Variants in ABCG5 observed in about 807,000 individuals in gnomAD.
ABCG5 encodes the protein ATP-binding cassette sub-family G member 5.
A neutral mutation model predicts 64.5 loss-of-function variants in ABCG5; 64 were observed. That is an observed-to-expected ratio of 0.99 (90% CI 0.81 to 1.22). The LOEUF is 1.22. ABCG5 is among the 50% of genes most tolerant of loss of function. The pLI is 0.00. For missense variants in ABCG5, 908 were observed against 829.5 expected (o/e 1.09, Z -1.16); for synonymous variants, 385 against 326.3 (o/e 1.18, Z -1.94).
In ABCG5 at chr2:43,831,835, G is replaced by A. The variant is rs1230263991; in HGVS notation, c.435C>T (p.Arg145=). 6 of 1,587,190 alleles carry A rather than the reference G, an allele frequency of 3.8e-6. No individual in the cohort carries two copies. The highest frequency in any genetic ancestry group is 1.8e-4 in the Middle Eastern group (1 of 5,416). Residue 145 remains arginine (R), a synonymous_variant, in exon 4 of 13, where the codon CGC becomes CGT. Transcript: ENST00000405322. ...SDTLLSSLTV[R]ETLHYTALLA... is the part of the protein sequence containing the mutation. ...GCAGCGCGGTGTAGTGCAGCGTCTCGCGCACGGTGAGGCTGCTCAGCAGGG... is the reference window on the plus strand; with the variant it reads ...GCAGCGCGGTGTAGTGCAGCGTCTCACGCACGGTGAGGCTGCTCAGCAGGG...
At chr2:43,819,582 A>G (rs980470463) in intron 11 of ABCG5, among the ~76,000 whole-genome samples, 1 of 152,070 alleles carries the variant, frequency 6.6e-6, no homozygotes, top group East Asian at 1.9e-4. Flanking sequence ...GAACTAATGC[A>G]TGCAATTTAT....
downstream of ABCG5, among the ~76,000 whole-genome samples, chr2:43,811,644 G>C (rs1666484369): frequency 6.6e-6 from 1 of 151,818 alleles, no homozygotes; most frequent in African/African-American, 2.4e-5. Flanking sequence ...CGCCAGGCTG[G>C]AGTGCAGTGG....
At position 43,838,436 on chromosome 2, in the gene ABCG5, G is replaced by A. The variant is rs745607964; in HGVS notation, c.143+101C>T. The A allele has an allele frequency of 4.2e-6, 5 of 1,195,250 alleles. No homozygotes were observed. The Admixed American group carries it at 1.1e-4, about 26-fold the overall frequency. The allele number at this position is 1,195,250 out of a possible 1,614,324, so 74.0% of individuals were successfully genotyped here. ...CGATCCACTAAAGAGGGAGCCCGAA[G>A]TGCCCAGACTGGCACTTAAAGAGTG... On this transcript the variant is annotated intron_variant, in intron 1 of 12. Coordinates refer to ENST00000405322, the MANE Select transcript of ABCG5 (RefSeq NM_022436.3). This position sits in a 1 kb window ranked among gnomAD's most constrained non-coding sequence, Gnocchi z 4.2.
rs67113914 is a variant in ABCG5, at chr2:43,833,363, ATATTATTATTATTATTATTATTAT to A, written c.266-1304_266-1281del. On this transcript the variant is annotated intron_variant, in intron 2 of 12. Coordinates refer to ENST00000405322, the MANE Select transcript of ABCG5 (RefSeq NM_022436.3). ...AGAGCCAAAGAGATCTTTTGTTGAA[ATATTATTATTATTATTATTATTAT>A]TATTATTATTATTGAGACGAAGTAT... is the stretch of plus-strand genomic sequence containing the variant. 6.5e-3 allele frequency among the ~76,000 whole-genome samples: 942 copies of A among 144,224 alleles called. 13 individuals carry two copies. Among genetic ancestry groups the A allele is most frequent in the African/African-American group, 0.023 (890 of 39,494 alleles). 94.6% of individuals were successfully genotyped at this position (144,224 alleles called of 152,430 possible).
intron 12 of ABCG5, among the ~76,000 whole-genome samples, chr2:43,813,708 CGTT>C (rs1440698959): frequency 3.4e-4 from 12 of 35,368 alleles, no homozygotes; most frequent in African/African-American, 1.1e-3. Flanking sequence ...TTTTTTTTTT[CGTT>C]TTTTTTTTTT....
chr2:43,818,730 C>G (rs1667006076), intron 11 of ABCG5, among the ~76,000 whole-genome samples: 1 of 152,142 alleles, frequency 6.6e-6, no homozygotes, highest in Admixed American at 6.5e-5. Context: ...AAAAAATATC[C>G]TCCTTGATTT....
At chr2:43,817,885 G>A (rs1474056864) in intron 11 of ABCG5, among the ~76,000 whole-genome samples, 1 of 152,104 alleles carries the variant, frequency 6.6e-6, no homozygotes, top group African/African-American at 2.4e-5. Context: ...ATTCCAGCCT[G>A]GGTGACAGAG....
At chr2:43,839,159 T>G, upstream of ABCG5, 1 of 1,545,486 alleles carries the variant, frequency 6.5e-7, no homozygotes, top group Non-Finnish European at 8.8e-7. Flanking sequence ...GGTGGGCGGG[T>G]AGGAGAAATC....
At chr2:43,828,329 A>C in intron 4 of ABCG5, 1 of 676,062 alleles carries the variant, frequency 1.5e-6, no homozygotes, top group Non-Finnish European at 2.5e-6. Context: ...AATAAATAAT[A>C]TGAATTTTTT....
rs775348848 is a variant in ABCG5 at position 43,824,270 on chromosome 2, A to T, written c.1067T>A (p.Phe356Tyr). 5 of 1,614,120 alleles carry T rather than the reference A, an allele frequency of 3.1e-6. No homozygotes were observed. In the East Asian group the frequency reaches 1.1e-4, roughly 36 times the overall value. The change falls in exon 8 of 13, where the codon TTC (phenylalanine) becomes TAC (tyrosine). Residue 356 changes from phenylalanine to tyrosine, a missense_variant. Phe to Tyr is a conservative substitution (Grantham distance 22). Coordinates refer to ENST00000405322, the MANE Select transcript of ABCG5 (RefSeq NM_022436.3). ...KHLKTLPMVP[F>Y]KTKDSPGVFS... The stretch of plus-strand genomic sequence containing the variant: ...AACTCCAGGAGAATCTTTGGTTTTG[A>T]AAGGAACCATTGGTAACGTTTTCAG...
At chr2:43,824,815 G>A in intron 7 of ABCG5, 74 bp downstream of exon 7, 1 of 1,585,604 alleles carries the variant, frequency 6.3e-7, no homozygotes, top group Non-Finnish European at 8.6e-7. Flanking sequence ...CTAGACTGGT[G>A]TCATCCAGGC....
chr2:43,826,353 A>G (rs1455649623), intron 6 of ABCG5, 29 bp downstream of exon 6: 9 of 1,612,508 alleles, frequency 5.6e-6, no homozygotes, highest in African/African-American at 1.3e-5. Context: ...CACACCATAG[A>G]CCCGGCCTTT....
At position 43,838,043 on chromosome 2, in the gene ABCG5, C is replaced by T; in HGVS notation, c.144-88G>A. On this transcript the variant is annotated intron_variant, in intron 1 of 12. Transcript: ENST00000405322. The surrounding 1 kb of genome is among the most constrained non-coding windows in gnomAD (Gnocchi z 4.2). ...TCCCCAGCATTGATCCTACCTGTGC[C>T]CCACCCCAGTAGTCTCCGGACAGGC... 1 of 1,574,784 alleles carries T rather than the reference C, an allele frequency of 6.4e-7. No individual in the cohort carries two copies. The highest frequency in any genetic ancestry group is 8.7e-7 in the Non-Finnish European group (1 of 1,149,558).
intron 10 of ABCG5, chr2:43,822,439 T>C: frequency 1.2e-6 from 1 of 858,706 alleles, no homozygotes; most frequent in Non-Finnish European, 1.4e-6. Context: ...GTGTCTGTTT[T>C]AAGGTTTTAC....
chr2:43,832,156 T>C, intron 2 of ABCG5, 73 bp from the exon 3 acceptor site: 2 of 1,545,928 alleles, frequency 1.3e-6, no homozygotes, highest in Non-Finnish European at 1.7e-6. Flanking sequence ...CGAGACCCTC[T>C]GTGCAGGCAT....
At chr2:43,839,074 G>C (rs771255227), upstream of ABCG5, 33 of 1,551,208 alleles carry the variant, frequency 2.1e-5, no homozygotes, top group South Asian at 3.5e-4. Context: ...AGGCGGCAGA[G>C]GAGAGAGGGC....
downstream of ABCG5, among the ~76,000 whole-genome samples, chr2:43,808,129 A>G (rs966672557): frequency 3.3e-5 from 5 of 152,222 alleles, no homozygotes; most frequent in African/African-American, 1.2e-4. Flanking sequence ...TTTATGAGTT[A>G]ATCTTTAAAA....
the ABCG5 span, among the ~76,000 whole-genome samples, chr2:43,806,552 C>T: frequency 6.6e-6 from 1 of 152,128 alleles, no homozygotes; most frequent in Non-Finnish European, 1.5e-5. Flanking sequence ...TTATGTAACC[C>T]TTATTATGTT....
rs1428003171 is a variant in ABCG5, at chr2:43,822,823, G to A, written c.1437C>T (p.Thr479=). 8.1e-6 allele frequency: 13 copies of A among 1,614,008 alleles called. No individual in the cohort carries two copies. The highest frequency in any genetic ancestry group is 1.1e-5 in the Non-Finnish European group (13 of 1,180,024). Residue 479 remains threonine, a synonymous_variant, in exon 10 of 13, where the codon ACC becomes ACT. Transcript: ENST00000405322. ...AGTAGCACACACTGCTGAAAATCAT[G>A]GTGGCAACAACGCTGAAGGGGAGGA... ...LHVLPFSVVA[T]MIFSSVCYWT...
Sources: allele counts gnomAD v4.1 joint callset (sites outside exome capture counted in the v4.1 genomes callset), GRCh38; gene constraint gnomAD v4.1.1; non-coding constraint Gnocchi (gnomAD v3.1); transcripts MANE v1.5; gene names NCBI Gene and HGNC (gene_info 2026-07-23, HGNC 2026-07-21).